The following MTOR variants were observed in gnomAD, a reference collection of about 807,000 sequenced individuals.
MTOR encodes mechanistic target of rapamycin kinase.
Under a neutral mutation model 319.8 loss-of-function variants are expected in MTOR, and 70 were observed. The observed-to-expected ratio is 0.22, with a 90% CI of 0.18 to 0.27. The LOEUF (loss-of-function observed/expected upper bound fraction) is 0.27, where lower values mean the gene tolerates loss of function less well. MTOR is among the 10% of genes least tolerant of loss of function. The pLI, the probability that MTOR is intolerant of heterozygous loss-of-function variation, is 1.00. For synonymous variants in MTOR, 1,183 were observed against 1,211.4 expected (o/e 0.98, Z 0.49); for missense variants, 1,890 against 3,274.4 (o/e 0.58, Z 10.32).
chr1:11,123,409 C>CT (rs950653302), intron 47 of MTOR, among the ~76,000 whole-genome samples: 2,273 of 122,000 alleles, frequency 0.019, 56 homozygotes, highest in East Asian at 0.042. Context: ...CTGTGCCCAG[C>CT]TTTTTTTTTT....
chr1:11,212,221 T>G lies in MTOR; in HGVS notation c.3561+91A>C. The G allele has an allele frequency of 4.9e-6, 7 of 1,436,244 alleles. No individual in the cohort carries two copies. The highest frequency in any genetic ancestry group is 4.7e-6 in the Non-Finnish European group (5 of 1,060,548). The allele number at this position is 1,436,244 out of a possible 1,614,324, so 89.0% of individuals were successfully genotyped here. A position where few individuals can be genotyped will look rare whatever the true frequency, so the allele number is the denominator to read the frequency against. ...TAATTCCACGTTCTCTGATGGTGGC[T>G]GGCATCAGACAAAGTCTGAGTGGCT... On this transcript the variant is annotated intron_variant, in intron 23 of 57. Transcript: ENST00000361445. This position sits in a 1 kb window ranked among gnomAD's most constrained non-coding sequence, Gnocchi z 4.1.
chr1:11,147,119 C>T (rs1159285392), intron 31 of MTOR, among the ~76,000 whole-genome samples: 2 of 152,216 alleles, frequency 1.3e-5, no homozygotes, highest in East Asian at 3.8e-4. Flanking sequence ...AGAGAACTCT[C>T]TCAGGTTTCT....
chr1:11,182,487 C>A (rs907414701), intron 28 of MTOR, among the ~76,000 whole-genome samples: 3 of 152,174 alleles, frequency 2.0e-5, no homozygotes, highest in Non-Finnish European at 4.4e-5. Context: ...TATTTTTACA[C>A]AAACATCCTA....
At chr1:11,210,580 T>A (rs1344419012) in intron 24 of MTOR, among the ~76,000 whole-genome samples, 2 of 152,184 alleles carry the variant, frequency 1.3e-5, no homozygotes, top group Non-Finnish European at 2.9e-5. Context: ...AAATAAAGTT[T>A]TAGTGGAATG....
chr1:11,127,524 T>A lies in MTOR; in HGVS notation c.6216+100A>T. The A allele has an allele frequency of 7.2e-7, 1 of 1,379,608 alleles. No individual in the cohort carries two copies. The highest frequency in any genetic ancestry group is 9.8e-7 in the Non-Finnish European group (1 of 1,018,814). 85.5% of individuals were successfully genotyped at this position (1,379,608 alleles called of 1,614,324 possible). The stretch of plus-strand genomic sequence containing the variant: ...AAAGAAATCTGACAAAGGCCTTGGG[T>A]CACGTCCTTTCATTCTATAAAAACT... On this transcript the variant is annotated intron_variant, in intron 44 of 57. Coordinates refer to ENST00000361445, the MANE Select transcript of MTOR (RefSeq NM_004958.4). This position sits in a 1 kb window ranked among gnomAD's most constrained non-coding sequence, Gnocchi z 5.5.
At chr1:11,258,664 T>C (rs1650734987) in intron 2 of MTOR, 71 bp from the exon 3 acceptor site, 3 of 1,178,534 alleles carry the variant, frequency 2.5e-6, no homozygotes, top group South Asian at 1.3e-5. Context: ...TGGGCTGGCA[T>C]CTAAAGATTA....
At position 11,240,382 on chromosome 1, in the gene MTOR, G is replaced by A. The variant is rs757258786; in HGVS notation, c.1707C>T (p.Gly569=). 1 of 1,614,114 alleles carries A rather than the reference G, an allele frequency of 6.2e-7. No individual in the cohort carries two copies. The highest frequency in any genetic ancestry group is 2.2e-5 in the East Asian group (1 of 44,894). The change falls in exon 11 of 58, where the codon GGC becomes GGT. Residue 569 remains glycine (G), a synonymous_variant. Transcript: ENST00000361445. ...KGLAHQLASP[G]LTTLPEASDV... ...CGCTGGCCTCAGGGAGGGTCGTGAG[G>A]CCAGGAGAGGCCAGCTGATGGGCCA...
intron 30 of MTOR, among the ~76,000 whole-genome samples, chr1:11,155,675 C>T (rs940292284): frequency 2.6e-5 from 4 of 152,202 alleles, no homozygotes; most frequent in Non-Finnish European, 4.4e-5. Flanking sequence ...CGTTTCCTCC[C>T]GGTATCTTCC....
chr1:11,238,139 G>A, intron 12 of MTOR, 91 bp from the exon 13 acceptor site: 1 of 1,269,606 alleles, frequency 7.9e-7, no homozygotes, highest in Non-Finnish European at 1.1e-6. Flanking sequence ...TCAGCGTAGT[G>A]GGAAGATTCC....
Position 11,212,841 on chromosome 1 carries a change from A to G in MTOR, c.3353T>C (p.Ile1118Thr), listed in dbSNP as rs1646353971. The G allele has an allele frequency of 2.5e-6, 4 of 1,614,130 alleles. No homozygotes were observed. The highest frequency in any genetic ancestry group is 2.5e-6 in the Non-Finnish European group (3 of 1,179,984). ...TTCAGGGGCATCAAACAACTTAACA[A>G]TAGGAGGCAGCAGTAAATGCAGGTA... The part of the protein sequence containing the change: ...DDYLHLLLPP[I>T]VKLFDAPEAP... Residue 1118 changes from isoleucine to threonine, a missense_variant, in exon 22 of 58, where the codon ATT becomes ACT. Physicochemically the swap from Ile to Thr is moderately conservative, Grantham distance 89. Transcript: ENST00000361445. The surrounding 1 kb of genome is among the most constrained non-coding windows in gnomAD (Gnocchi z 4.1).
chr1:11,180,544 C>T (rs1259046674), intron 28 of MTOR, among the ~76,000 whole-genome samples: 2 of 152,116 alleles, frequency 1.3e-5, no homozygotes, highest in Non-Finnish European at 2.9e-5. Flanking sequence ...GTTTGTGGTG[C>T]CTAAGTCAGG....
At chr1:11,202,372 G>T (rs913150987) in intron 26 of MTOR, among the ~76,000 whole-genome samples, 2 of 127,986 alleles carry the variant, frequency 1.6e-5, no homozygotes, top group African/African-American at 5.9e-5. Flanking sequence ...GGTGAGCCAA[G>T]ATCGCGCCAC....
intron 19 of MTOR, among the ~76,000 whole-genome samples, chr1:11,227,312 A>AT (rs1448773604): frequency 2.1e-4 from 32 of 150,948 alleles, no homozygotes; most frequent in African/African-American, 7.1e-4. Context: ...AAAAAAAAAA[A>AT]AAAAAAAAAA....
At chr1:11,259,192 G>A in intron 2 of MTOR, 56 bp downstream of exon 2, 1 of 1,575,504 alleles carries the variant, frequency 6.3e-7, no homozygotes, top group Admixed American at 2.0e-5. Flanking sequence ...GTAAACCAGT[G>A]ATGGTACATT....
rs1022983052 is a variant in MTOR, at chr1:11,107,141, T to C, written c.*344A>G. 34 of 1,383,094 alleles carry C rather than the reference T, an allele frequency of 2.5e-5. No individual in the cohort carries two copies. The African/African-American group carries it at 4.7e-4, about 19-fold the overall frequency. The allele number at this position is 1,383,094 out of a possible 1,614,324, so 85.7% of individuals were successfully genotyped here. On this transcript the variant is annotated 3_prime_UTR_variant, in exon 58 of 58. Coordinates refer to ENST00000361445, the MANE Select transcript of MTOR (RefSeq NM_004958.4). ...GAGGAGCAACTAGGTCATTCTTCCATCAGCAAGTACTTATGATGAGTTCTC... is the reference window on the plus strand; with the variant it reads ...GAGGAGCAACTAGGTCATTCTTCCACCAGCAAGTACTTATGATGAGTTCTC...
rs1455101629 is a variant in MTOR at position 11,199,450 on chromosome 1, C to T, written c.4108-47G>A. 2 of 1,613,896 alleles carry T rather than the reference C, an allele frequency of 1.2e-6. No homozygotes were observed. Among genetic ancestry groups the T allele is most frequent in the Middle Eastern group, 1.6e-4 (1 of 6,084 alleles). The stretch of plus-strand genomic sequence containing the variant: ...CAGCACAGGAAAATGGCAGATGGGG[C>T]ACAAACAAGAGAAGGCTGTGTGGAT... On this transcript the variant is annotated intron_variant, in intron 27 of 57. Coordinates refer to ENST00000361445, the MANE Select transcript of MTOR (RefSeq NM_004958.4). This position sits in a 1 kb window ranked among gnomAD's most constrained non-coding sequence, Gnocchi z 4.5.
chr1:11,256,222 A>T (rs763991753), intron 4 of MTOR, 30 bp from the exon 5 acceptor site: 1 of 1,599,388 alleles, frequency 6.3e-7, no homozygotes, highest in East Asian at 2.2e-5. Context: ...GAGAACTCTC[A>T]TTGGTACCAG....
intron 30 of MTOR, among the ~76,000 whole-genome samples, chr1:11,152,629 C>A (rs930388648): frequency 6.6e-6 from 1 of 152,050 alleles, no homozygotes; most frequent in Non-Finnish European, 1.5e-5. Flanking sequence ...GCAGGGGGTG[C>A]GGGTTGCCTA....
intron 9 of MTOR, among the ~76,000 whole-genome samples, chr1:11,242,801 A>G (rs953189185): frequency 2.0e-5 from 3 of 152,244 alleles, no homozygotes; most frequent in Non-Finnish European, 4.4e-5. Context: ...TTTAGGTCTT[A>G]TATCAAAATA....
Sources: allele counts gnomAD v4.1 joint callset (sites outside exome capture counted in the v4.1 genomes callset), GRCh38; gene constraint gnomAD v4.1.1; non-coding constraint Gnocchi (gnomAD v3.1); transcripts MANE v1.5; gene names NCBI Gene and HGNC (gene_info 2026-07-23, HGNC 2026-07-21).